The following NUP153 variants were observed in gnomAD, a reference collection of about 807,000 sequenced individuals.
NUP153 encodes the protein nuclear pore complex protein Nup153.
NUP153 carries 27 observed loss-of-function variants against 134.6 expected under a neutral mutation model. That is an observed-to-expected ratio of 0.20 (90% confidence interval 0.15 to 0.28). The LOEUF (loss-of-function observed/expected upper bound fraction) is 0.28. NUP153 is among the 10% of genes least tolerant of loss of function. NUP153 has a pLI of 1.00. For missense variants in NUP153, 1,821 were observed against 1,731.3 expected, an observed-to-expected ratio of 1.05 and a Z score of -0.92; for synonymous variants, 640 against 623.5, an observed-to-expected ratio of 1.03 and a Z score of -0.40.
intron 16 of NUP153, among the ~76,000 whole-genome samples, chr6:17,635,399 G>A (rs59205125): frequency 3.3e-5 from 5 of 151,588 alleles, no homozygotes; most frequent in Admixed American, 6.6e-5. Flanking sequence ...GTAAGCCACC[G>A]CACCCGGCCT....
intron 14 of NUP153, among the ~76,000 whole-genome samples, chr6:17,644,143 A>T (rs983080944): frequency 6.6e-6 from 1 of 152,150 alleles, no homozygotes; most frequent in Non-Finnish European, 1.5e-5. Flanking sequence ...GACCATTCAA[A>T]GCCAAAGATA....
chr6:17,625,697 A>C lies in NUP153; in HGVS notation c.3901+111T>G. ...AACAACCCTGGTATAGATGACCAAA[A>C]GGCATTCCCACCATTTTGTGATAAC... On this transcript the variant is annotated intron_variant, in intron 19 of 21. Coordinates refer to ENST00000262077, the MANE Select transcript of NUP153 (RefSeq NM_005124.4). The surrounding 1 kb of genome is among the most constrained non-coding windows in gnomAD (Gnocchi z 4.7). 1.2e-6 allele frequency: 1 copy of C among 807,166 alleles called. No individual in the cohort carries two copies. Among genetic ancestry groups the C allele is most frequent in the South Asian group, 1.6e-5 (1 of 60,648 alleles). 50.0% of individuals were successfully genotyped at this position (807,166 alleles called of 1,614,324 possible). A position where few individuals can be genotyped will look rare whatever the true frequency, so the allele number is the denominator to read the frequency against.
chr6:17,702,830 A>AC (rs768102569), intron 1 of NUP153, among the ~76,000 whole-genome samples: 9 of 148,754 alleles, frequency 6.1e-5, no homozygotes, highest in Non-Finnish European at 1.2e-4. Flanking sequence ...AAGAGTTATT[A>AC]CCCTTATAAC....
intron 20 of NUP153, among the ~76,000 whole-genome samples, chr6:17,620,889 T>G (rs977831494): frequency 6.6e-5 from 10 of 152,156 alleles, no homozygotes; most frequent in African/African-American, 2.4e-4. Context: ...ACTGAAAAGC[T>G]TCTGCACAGC....
At chr6:17,618,776 C>T (rs752196409) in intron 20 of NUP153, among the ~76,000 whole-genome samples, 3 of 152,224 alleles carry the variant, frequency 2.0e-5, no homozygotes, top group East Asian at 1.9e-4. Flanking sequence ...CCGTGTTAGC[C>T]AGGATGGTCT....
rs903078482 is a variant in NUP153, at chr6:17,706,733, G to A, written c.-346C>T. On this transcript the variant is annotated 5_prime_UTR_variant, in exon 1 of 22. Coordinates refer to ENST00000262077, the MANE Select transcript of NUP153 (RefSeq NM_005124.4). This position sits in a 1 kb window ranked among gnomAD's most constrained non-coding sequence, Gnocchi z 5.9. Reference sequence around the variant, plus strand: ...CGCGGTGCTGAGGCCTAACTCGACCGCCGACTGGTGGGAGTTCTTCCGTCG... The same window carrying A: ...CGCGGTGCTGAGGCCTAACTCGACCACCGACTGGTGGGAGTTCTTCCGTCG... 1 of 255,728 alleles carries A rather than the reference G, an allele frequency of 3.9e-6. No homozygotes were observed. The highest frequency in any genetic ancestry group is 7.6e-6 in the Non-Finnish European group (1 of 132,206). The allele number at this position is 255,728 out of a possible 1,614,324, so 15.8% of individuals were successfully genotyped here. A position where few individuals can be genotyped will look rare whatever the true frequency, so the allele number is the denominator to read the frequency against.
At position 17,675,459 on chromosome 6, in the gene NUP153, A is replaced by G; in HGVS notation, c.583+63T>C. On this transcript the variant is annotated intron_variant, in intron 3 of 21. Transcript: ENST00000262077. The surrounding 1 kb of genome is among the most constrained non-coding windows in gnomAD (Gnocchi z 4.4). ...AAAATAAAAATTACAACCAAGTCAG[A>G]AAAAAAACCCATAAAATTTAATGTT... 1 of 1,578,640 alleles carries G rather than the reference A, an allele frequency of 6.3e-7. No homozygotes were observed. Among genetic ancestry groups the G allele is most frequent in the Non-Finnish European group, 8.6e-7 (1 of 1,161,778 alleles).
chr6:17,616,290 G>GGGGGGGGGGCCCCC, intron 21 of NUP153, 109 bp from the exon 22 acceptor site: 1 of 473,880 alleles, frequency 2.1e-6, no homozygotes, highest in Non-Finnish European at 3.9e-6. Flanking sequence ...GGTGGGGGGG[G>GGGGGGGGGGCCCCC]AGTAGACTCA....
chr6:17,664,018 A>C (rs1767359840), intron 9 of NUP153, among the ~76,000 whole-genome samples: 1 of 152,180 alleles, frequency 6.6e-6, no homozygotes, highest in Non-Finnish European at 1.5e-5. Context: ...ACCAACCCCA[A>C]TGTCCTTCAA....
At chr6:17,682,940 A>C (rs71556132) in intron 2 of NUP153, among the ~76,000 whole-genome samples, 7,474 of 151,482 alleles carry the variant, frequency 0.049, 277 homozygotes, top group Admixed American at 0.084. Flanking sequence ...AAAAAAAAAA[A>C]AACACTTTCT....
intron 1 of NUP153, among the ~76,000 whole-genome samples, chr6:17,701,834 G>GGGGC (rs1554148686): frequency 4.8e-5 from 5 of 103,736 alleles, no homozygotes; most frequent in African/African-American, 1.9e-4. Flanking sequence ...CTCTGTCTCG[G>GGGGC]GGGGGGGGGG....
rs552411602 is a variant in NUP153, at chr6:17,694,251, T to C, written c.112-5633A>G. ...GTATTGATTGAATGAAGAATAGTAATGTTTGCCTTTACCTCCATGAGTTAG... is the reference window on the plus strand; with the variant it reads ...GTATTGATTGAATGAAGAATAGTAACGTTTGCCTTTACCTCCATGAGTTAG... On this transcript the variant is annotated intron_variant, in intron 1 of 21. Coordinates refer to ENST00000262077, the MANE Select transcript of NUP153 (RefSeq NM_005124.4). 5.3e-5 allele frequency among the ~76,000 whole-genome samples: 8 copies of C among 152,318 alleles called. No homozygotes were observed. The South Asian group carries it at 1.7e-3, about 32-fold the overall frequency.
intron 11 of NUP153, among the ~76,000 whole-genome samples, chr6:17,659,108 T>C (rs1196304540): frequency 6.6e-6 from 1 of 152,352 alleles, no homozygotes; most frequent in East Asian, 1.9e-4. Context: ...TTGAAGGAAT[T>C]GGGCTACAAA....
At chr6:17,627,489 T>C (rs956484043) in intron 18 of NUP153, among the ~76,000 whole-genome samples, 3 of 152,154 alleles carry the variant, frequency 2.0e-5, no homozygotes, top group African/African-American at 7.2e-5. Context: ...GTGTTGGTGT[T>C]TTTTTGTTGT....
chr6:17,701,660 CAAA>C (rs60645337), intron 1 of NUP153, among the ~76,000 whole-genome samples: 11 of 133,266 alleles, frequency 8.3e-5, no homozygotes, highest in African/African-American at 8.4e-5. Context: ...GACTCCATCT[CAAA>C]AAAAAAAAAA....
At chr6:17,669,141 C>T (rs13213504) in intron 7 of NUP153, 113 bp from the exon 8 acceptor site, 40,699 of 1,004,092 alleles carry the variant, frequency 0.041, 957 homozygotes, top group Middle Eastern at 0.05. Context: ...TGCAGTGGCG[C>T]GATCTTGACT....
At chr6:17,662,592 C>T (rs1307478441) in intron 9 of NUP153, among the ~76,000 whole-genome samples, 2 of 152,146 alleles carry the variant, frequency 1.3e-5, no homozygotes, top group Non-Finnish European at 1.5e-5. Context: ...AATGCTAACA[C>T]TAGTGGCTGA....
chr6:17,627,656 C>A (rs1765013778), intron 18 of NUP153, among the ~76,000 whole-genome samples: 1 of 152,060 alleles, frequency 6.6e-6, no homozygotes, highest in African/African-American at 2.4e-5. Context: ...CTACGGCACC[C>A]GGATTGTCTT....
intron 1 of NUP153, among the ~76,000 whole-genome samples, chr6:17,703,331 T>C (rs76865694): frequency 0.04 from 6,051 of 151,936 alleles, 373 homozygotes; most frequent in East Asian, 0.29. Flanking sequence ...GCAGAAGTCA[T>C]AGGTACTGGG....
Sources: allele counts gnomAD v4.1 joint callset (sites outside exome capture counted in the v4.1 genomes callset), GRCh38; gene constraint gnomAD v4.1.1; non-coding constraint Gnocchi (gnomAD v3.1); transcripts MANE v1.5; gene names NCBI Gene and HGNC (gene_info 2026-07-23, HGNC 2026-07-21).